Variants in NEBL observed in about 807,000 individuals in gnomAD.
NEBL encodes nebulette, also known as LIM and SH3 protein 2.
NEBL carries 122 observed loss-of-function variants against 140.2 expected under a neutral mutation model. The ratio of observed to expected loss-of-function variants is 0.87; its 90% CI spans 0.75 to 1.01. The LOEUF (loss-of-function observed/expected upper bound fraction) is 1.01, where lower values mean the gene tolerates loss of function less well. NEBL is among the 50% of genes least tolerant of loss of function. NEBL has a pLI of 0.00. For synonymous variants in NEBL, 436 were observed against 398.9 expected (o/e 1.09, Z -1.11); for missense variants, 1,365 against 1,231.3 (o/e 1.11, Z -1.62).
Position 20,785,449 on chromosome 10 carries a change from A to C in NEBL, c.*298T>G. The stretch of plus-strand genomic sequence containing the variant: ...AAGGGACAATCAACTTCTCTATTAA[A>C]GTCTACAAAAATACATTTCCCAGAA... On this transcript the variant is annotated 3_prime_UTR_variant, in exon 28 of 28. Coordinates refer to ENST00000377122, the MANE Select transcript of NEBL (RefSeq NM_006393.3). 1 of 412,222 alleles carries C rather than the reference A, an allele frequency of 2.4e-6. No individual in the cohort carries two copies. Among genetic ancestry groups the C allele is most frequent in the Non-Finnish European group, 4.5e-6 (1 of 220,962 alleles). 25.5% of individuals were successfully genotyped at this position (412,222 alleles called of 1,614,324 possible). A position where few individuals can be genotyped will look rare whatever the true frequency, so the allele number is the denominator to read the frequency against.
chr10:21,038,122 C>T (rs1338001707), intron 2 of NEBL, among the ~76,000 whole-genome samples: 1 of 152,120 alleles, frequency 6.6e-6, no homozygotes, highest in Non-Finnish European at 1.5e-5. Context: ...GGCAAAATTA[C>T]TACCTAACTA....
chr10:21,137,035 C>T (rs1036195421), intron 2 of NEBL, among the ~76,000 whole-genome samples: 2 of 152,186 alleles, frequency 1.3e-5, no homozygotes, highest in African/African-American at 4.8e-5. Flanking sequence ...AAAAATCCCA[C>T]TAAGTTAGTT....
At chr10:20,914,597 T>C (rs74120525) in intron 4 of NEBL, among the ~76,000 whole-genome samples, 6,979 of 152,292 alleles carry the variant, frequency 0.046, 282 homozygotes, top group South Asian at 0.12. Context: ...AAGTCTATTT[T>C]GGTAGTTTAT....
In NEBL at chr10:21,001,422, G is replaced by C. The variant is rs938220315; in HGVS notation, c.249+18695C>G. On this transcript the variant is annotated intron_variant, in intron 3 of 6. Transcript: ENST00000417816. ...AAAGATTTTTCCAACTTGTAAGGTG[G>C]ACATCATTTCATAGCCTAGCAAAAT... 5.3e-5 allele frequency among the ~76,000 whole-genome samples: 8 copies of C among 152,160 alleles called. No individual in the cohort carries two copies. The South Asian group carries it at 1.7e-3, about 32-fold the overall frequency.
At chr10:21,058,793 A>T (rs1364432339) in intron 2 of NEBL, among the ~76,000 whole-genome samples, 2 of 152,194 alleles carry the variant, frequency 1.3e-5, no homozygotes, top group African/African-American at 4.8e-5. Context: ...TATATAATTT[A>T]GTTCATTTCA....
chr10:21,091,991 C>G (rs1486026463), intron 2 of NEBL, among the ~76,000 whole-genome samples: 2 of 152,156 alleles, frequency 1.3e-5, no homozygotes, highest in African/African-American at 4.8e-5. Flanking sequence ...TTACCCATAG[C>G]TAATTTAACC....
Position 20,832,108 on chromosome 10 carries a change from T to C in NEBL, c.1450-525A>G, listed in dbSNP as rs373082901. On this transcript the variant is annotated intron_variant, in intron 14 of 27. Coordinates refer to ENST00000377122, the MANE Select transcript of NEBL (RefSeq NM_006393.3). ...TTAGCTGGGCTTAAATAAATCATTA[T>C]TCCCTTCACTGGCTCTCTGATTTGC... Among the ~76,000 whole-genome samples the C allele has an allele frequency of 2.4e-4, 37 of 152,226 alleles. 1 individual carries two copies. The highest frequency in any genetic ancestry group is 8.4e-4 in the African/African-American group (35 of 41,526).
chr10:21,185,593 G>A (rs900639942), intron 3 of NEBL, among the ~76,000 whole-genome samples: 3 of 139,884 alleles, frequency 2.1e-5, no homozygotes, highest in Non-Finnish European at 4.5e-5. Context: ...CCATCTCCCA[G>A]GTTCAAGTGA....
At chr10:21,020,403 C>T (rs528034224) in intron 2 of NEBL, among the ~76,000 whole-genome samples, 1 of 152,190 alleles carries the variant, frequency 6.6e-6, no homozygotes, top group East Asian at 1.9e-4. Context: ...CATCCTCACT[C>T]TCTCCCACAG....
chr10:20,848,108 G>T (rs757974074), intron 11 of NEBL, among the ~76,000 whole-genome samples: 1 of 152,094 alleles, frequency 6.6e-6, no homozygotes, highest in Non-Finnish European at 1.5e-5. Context: ...AGTGACAATG[G>T]CCACATTATC....
chr10:20,782,097 C>A lies in NEBL; in HGVS notation c.*3650G>T, dbSNP rs1310174935. The A allele has an allele frequency of 6.6e-6, 1 of 152,480 alleles. No homozygotes were observed. Among genetic ancestry groups the A allele is most frequent in the Non-Finnish European group, 1.5e-5 (1 of 68,020 alleles). 9.4% of individuals were successfully genotyped at this position (152,480 alleles called of 1,614,324 possible). Reference sequence around the variant, plus strand: ...CCTTTCAGAAATAGATGGAAGAAGTCGGCATTTTCTAAAGTTCTAAATCTT... The same window carrying A: ...CCTTTCAGAAATAGATGGAAGAAGTAGGCATTTTCTAAAGTTCTAAATCTT... On this transcript the variant is annotated 3_prime_UTR_variant, in exon 28 of 28. Coordinates refer to ENST00000377122, the MANE Select transcript of NEBL (RefSeq NM_006393.3).
At chr10:20,937,833 C>T (rs1240996457) in intron 4 of NEBL, among the ~76,000 whole-genome samples, 2 of 152,208 alleles carry the variant, frequency 1.3e-5, no homozygotes, top group East Asian at 1.9e-4. Flanking sequence ...CATGGAGCCT[C>T]GCTCATTGCT....
chr10:21,086,135 G>C (rs1173203758), intron 2 of NEBL, among the ~76,000 whole-genome samples: 1 of 152,170 alleles, frequency 6.6e-6, no homozygotes, highest in Admixed American at 6.5e-5. Context: ...AATGCAGTTT[G>C]TTGCCCATTT....
At chr10:21,027,243 C>A (rs1181202611) in intron 2 of NEBL, among the ~76,000 whole-genome samples, 1 of 151,408 alleles carries the variant, frequency 6.6e-6, no homozygotes, top group South Asian at 2.1e-4. Context: ...CCCCTTTGTG[C>A]GTAACAGGCT....
intron 3 of NEBL, among the ~76,000 whole-genome samples, chr10:21,237,404 C>T (rs1320440157): frequency 1.3e-5 from 2 of 152,202 alleles, no homozygotes; most frequent in East Asian, 1.9e-4. Context: ...GAGGTTTCAC[C>T]GTGTTGGCCA....
intron 3 of NEBL, among the ~76,000 whole-genome samples, chr10:21,192,577 G>C (rs1225030017): frequency 6.7e-6 from 1 of 149,428 alleles, no homozygotes; most frequent in East Asian, 2.1e-4. Context: ...AGGCGTTGTG[G>C]CTCACACCTG....
At chr10:20,889,741 T>C (rs1846854508) in intron 3 of NEBL, 104 bp downstream of exon 3, 3 of 760,878 alleles carry the variant, frequency 3.9e-6, no homozygotes, top group Non-Finnish European at 7.1e-6. Context: ...CATTCAGTAG[T>C]GCTTTTGAAA....
intron 26 of NEBL, among the ~76,000 whole-genome samples, chr10:20,788,698 C>A (rs1387189615): frequency 1.3e-5 from 2 of 152,156 alleles, no homozygotes; most frequent in Non-Finnish European, 2.9e-5. Flanking sequence ...ATTAAAACAT[C>A]ATTAAATATC....
In NEBL at chr10:20,880,800, C is replaced by G. The variant is rs766412612; in HGVS notation, c.474G>C (p.Gln158His). 3.1e-6 allele frequency: 5 copies of G among 1,608,144 alleles called. No individual in the cohort carries two copies. In the East Asian group the frequency reaches 6.7e-5, roughly 22 times the overall value. The change falls in exon 5 of 28, where the codon CAG becomes CAC. Residue 158 changes from glutamine (Q) to histidine (H), a missense_variant. Coordinates refer to ENST00000377122, the MANE Select transcript of NEBL (RefSeq NM_006393.3). The part of the protein sequence containing the change: ...VKHAMEVNKH[Q>H]SNISYRKDVQ... The stretch of plus-strand genomic sequence containing the variant: ...GAGAAATGCGCTTCCTTACATTACT[C>G]TGGTGTTTATTGACCTCCATGGCAT...
Sources: gnomAD v4.1 joint callset for allele counts (sites outside exome capture counted in the v4.1 genomes callset) on GRCh38, gnomAD v4.1.1 for gene constraint, MANE v1.5 for transcripts, NCBI Gene and HGNC (gene_info 2026-07-23, HGNC 2026-07-21) for gene names.